AOAH: variants seen among roughly 807,000 people sequenced by gnomAD.
AOAH encodes the protein acyloxyacyl hydrolase (neutrophil).
AOAH carries 64 observed loss-of-function variants against 92.2 expected under a neutral mutation model. The ratio of observed to expected loss-of-function variants is 0.69; its 90% CI spans 0.57 to 0.86. AOAH has a LOEUF of 0.86. Among genes scored for constraint, AOAH ranks in the 40% least tolerant of loss-of-function variants. AOAH has a pLI of 0.00. For missense variants in AOAH, 656 were observed against 694.6 expected, an observed-to-expected ratio of 0.94 and a Z score of 0.62; for synonymous variants, 263 against 254.5, an observed-to-expected ratio of 1.03 and a Z score of -0.32.
intron 3 of AOAH, among the ~76,000 whole-genome samples, chr7:36,659,919 C>T: frequency 6.6e-6 from 1 of 152,072 alleles, no homozygotes; most frequent in South Asian, 2.1e-4. Context: ...AGTAAAACAG[C>T]CAGTCCCTGC....
intron 2 of AOAH, among the ~76,000 whole-genome samples, chr7:36,675,160 G>T (rs931309538): frequency 1.1e-4 from 16 of 152,222 alleles, no homozygotes; most frequent in African/African-American, 3.9e-4. Flanking sequence ...GGAGGCTGGG[G>T]CAGGAGAATC....
chr7:36,671,856 G>T (rs1209011743), intron 3 of AOAH, among the ~76,000 whole-genome samples: 1 of 152,148 alleles, frequency 6.6e-6, no homozygotes, highest in Non-Finnish European at 1.5e-5. Flanking sequence ...GGCAAGGGGT[G>T]AGTCTGGAAA....
At chr7:36,688,798 TACACAC>T (rs370599461) in intron 1 of AOAH, among the ~76,000 whole-genome samples, 1 of 151,312 alleles carries the variant, frequency 6.6e-6, no homozygotes, top group African/African-American at 2.4e-5. Context: ...TATATATATA[TACACAC>T]ACACACACAT....
intron 2 of AOAH, among the ~76,000 whole-genome samples, chr7:36,680,777 C>A (rs775834743): frequency 2.0e-5 from 3 of 152,196 alleles, no homozygotes; most frequent in Non-Finnish European, 4.4e-5. Flanking sequence ...CAATAACCTT[C>A]TTAATCCTTT....
In AOAH at chr7:36,548,646, T is replaced by A; in HGVS notation, c.1099A>T (p.Ile367Leu). The change falls in exon 15 of 21, where the codon ATA becomes TTA. Residue 367 changes from isoleucine to leucine, a missense_variant. Transcript: ENST00000617537. ...NKVLDYPAIV[I>L]YAMIGNDVCS... is the part of the protein sequence containing the mutation. ...ACATCATTTCCAATCATGGCATATA[T>A]AACGATGGCGGGATAGTCCAACACC... 1 of 1,613,778 alleles carries A rather than the reference T, an allele frequency of 6.2e-7. No homozygotes were observed. The highest frequency in any genetic ancestry group is 8.5e-7 in the Non-Finnish European group (1 of 1,179,762).
chr7:36,670,923 G>C (rs2116632135), intron 3 of AOAH, among the ~76,000 whole-genome samples: 1 of 152,144 alleles, frequency 6.6e-6, no homozygotes, highest in Non-Finnish European at 1.5e-5. Flanking sequence ...CCACTCTATA[G>C]CCAGGTACAG....
chr7:36,517,597 C>CTTTTTTTTT (rs70977159), intron 20 of AOAH, among the ~76,000 whole-genome samples: 16 of 89,576 alleles, frequency 1.8e-4, no homozygotes, highest in East Asian at 3.3e-4. Flanking sequence ...GACTTTATAT[C>CTTTTTTTTT]TTTTTTTTTT....
intron 6 of AOAH, among the ~76,000 whole-genome samples, chr7:36,630,469 A>G (rs1792993044): frequency 6.6e-6 from 1 of 152,204 alleles, no homozygotes; most frequent in South Asian, 2.1e-4. Flanking sequence ...TGAGTCATTA[A>G]AGCATCACTT....
intron 1 of AOAH, among the ~76,000 whole-genome samples, chr7:36,712,875 A>C (rs570984746): frequency 5.9e-5 from 9 of 152,192 alleles, no homozygotes; most frequent in African/African-American, 1.7e-4. Context: ...CACTGCAAAA[A>C]CATGACAAAT....
chr7:36,665,571 A>C (rs1795478554), intron 3 of AOAH, among the ~76,000 whole-genome samples: 1 of 152,198 alleles, frequency 6.6e-6, no homozygotes, highest in South Asian at 2.1e-4. Flanking sequence ...TAGGACTTTC[A>C]GTACAATGTT....
chr7:36,567,158 T>C (rs1787774673), intron 13 of AOAH, among the ~76,000 whole-genome samples: 1 of 152,142 alleles, frequency 6.6e-6, no homozygotes, highest in Admixed American at 6.6e-5. Flanking sequence ...CTAAAACGTG[T>C]CTCTTTCTCT....
Position 36,659,185 on chromosome 7 carries a change from T to C in AOAH, c.371A>G (p.His124Arg), listed in dbSNP as rs1260424567. The change falls in exon 4 of 21, where the codon CAT becomes CGT. Residue 124 changes from histidine (H) to arginine (R), a missense_variant. Physicochemically the swap from His to Arg is conservative, Grantham distance 29. Transcript: ENST00000617537. ...CKQNTGQPLC[H>R]LYPLPKETWK... Reference sequence around the variant, plus strand: ...ACTCACCTTGGGAAGAGGGTAGAGATGACACAATGGTTGGCCAGTGTTCTG... The same window carrying C: ...ACTCACCTTGGGAAGAGGGTAGAGACGACACAATGGTTGGCCAGTGTTCTG... 1.2e-6 allele frequency: 2 copies of C among 1,613,750 alleles called. No homozygotes were observed. Among genetic ancestry groups the C allele is most frequent in the South Asian group, 2.2e-5 (2 of 91,072 alleles).
intron 13 of AOAH, among the ~76,000 whole-genome samples, chr7:36,554,044 A>G (rs1317095897): frequency 2.6e-5 from 4 of 152,244 alleles, no homozygotes; most frequent in African/African-American, 9.6e-5. Context: ...TGTTTTAGAC[A>G]TGAAGTCCTT....
rs1193760629 is a variant in AOAH at position 36,614,254 on chromosome 7, G to GTTGT, written c.846+2122_846+2125dup. Among the ~76,000 whole-genome samples, 1 of 152,092 alleles carries GTTGT rather than the reference G, an allele frequency of 6.6e-6. No individual in the cohort carries two copies. On this transcript the variant is annotated intron_variant, in intron 11 of 20. Coordinates refer to ENST00000617537, the MANE Select transcript of AOAH (RefSeq NM_001637.4). The surrounding 1 kb of genome is among the most constrained non-coding windows in gnomAD (Gnocchi z 4.2). ...GGCACTGCCCCACATTTTTTATTGT[G>GTTGT]TTGTTTGATAGGTCCATCCAGAAGT...
intron 3 of AOAH, among the ~76,000 whole-genome samples, chr7:36,660,203 C>T (rs1795126981): frequency 6.6e-6 from 1 of 152,252 alleles, no homozygotes; most frequent in Non-Finnish European, 1.5e-5. Flanking sequence ...AGTGAATAAA[C>T]AGCTTTATTG....
chr7:36,556,218 T>C (rs1786699219), intron 13 of AOAH, among the ~76,000 whole-genome samples: 1 of 152,244 alleles, frequency 6.6e-6, no homozygotes, highest in South Asian at 2.1e-4. Flanking sequence ...AACATCTTTA[T>C]TTCTGCCTTC....
intron 1 of AOAH, among the ~76,000 whole-genome samples, chr7:36,692,840 T>C (rs1395052189): frequency 6.6e-6 from 1 of 152,082 alleles, no homozygotes; most frequent in Non-Finnish European, 1.5e-5. Context: ...AACCCGTAAG[T>C]ATTGTGATAG....
At chr7:36,602,443 G>GA (rs1790680874) in intron 11 of AOAH, among the ~76,000 whole-genome samples, 1 of 127,124 alleles carries the variant, frequency 7.9e-6, no homozygotes, top group African/African-American at 2.8e-5. Context: ...TCCTTCCATT[G>GA]TTTTTTTTTT....
chr7:36,555,230 C>T (rs1389601862), intron 13 of AOAH, among the ~76,000 whole-genome samples: 1 of 151,874 alleles, frequency 6.6e-6, no homozygotes, highest in African/African-American at 2.4e-5. Context: ...TTTTCTGCAT[C>T]TATTGAGATA....
Sources: gnomAD v4.1 joint callset for allele counts (sites outside exome capture counted in the v4.1 genomes callset) on GRCh38, gnomAD v4.1.1 for gene constraint, Gnocchi (gnomAD v3.1) non-coding constraint, MANE v1.5 for transcripts, NCBI Gene and HGNC (gene_info 2026-07-23, HGNC 2026-07-21) for gene names.